The following RYR1 variants were observed in gnomAD, a reference collection of about 807,000 sequenced individuals.
RYR1 encodes central core disease of muscle.
RYR1 carries 342 observed loss-of-function variants against 583.5 expected under a neutral mutation model. That is an observed-to-expected ratio of 0.59 (90% confidence interval 0.54 to 0.64). The LOEUF is 0.64. Ranked by LOEUF, RYR1 falls within the 30% of genes least tolerant of loss-of-function variation. RYR1 has a pLI of 0.00. For synonymous variants in RYR1, 2,791 were observed against 2,822.5 expected, an observed-to-expected ratio of 0.99 and a Z score of 0.35; for missense variants, 6,032 against 6,917.2, an observed-to-expected ratio of 0.87 and a Z score of 4.54.
rs772090236 is a variant in RYR1, at chr19:38,535,299, T to C, written c.11440-17T>C. The C allele has an allele frequency of 9.3e-6, 15 of 1,613,866 alleles. No individual in the cohort carries two copies. Among genetic ancestry groups the C allele is most frequent in the African/African-American group, 8.0e-5 (6 of 74,906 alleles). ...GTGTGACTCCCAGTTTCTCCTCCCC[T>C]GCCTCGCCCTCTGCAGAAAATGCTG... is the stretch of plus-strand genomic sequence containing the variant. On this transcript the variant is annotated splice_polypyrimidine_tract_variant and intron_variant, in intron 80 of 105. Coordinates refer to ENST00000359596, the MANE Select transcript of RYR1 (RefSeq NM_000540.3).
intron 48 of RYR1, 50 bp downstream of exon 48, chr19:38,502,777 G>GGGCAGA (rs1970219506): frequency 1.6e-5 from 19 of 1,204,102 alleles, no homozygotes; most frequent in Non-Finnish European, 1.9e-5. Context: ...GCAGGGGCAG[G>GGGCAGA]GGCAGGGGCA....
intron 92 of RYR1, 128 bp from the exon 93 acceptor site, chr19:38,567,645 C>A: frequency 1.5e-6 from 2 of 1,327,658 alleles, no homozygotes; most frequent in Admixed American, 1.9e-5. Flanking sequence ...TCTCATCATC[C>A]CATGTACCCA....
At chr19:38,447,549 A>G (rs1266299393) in intron 9 of RYR1, among the ~76,000 whole-genome samples, 1 of 149,712 alleles carries the variant, frequency 6.7e-6, no homozygotes, top group Non-Finnish European at 1.5e-5. Flanking sequence ...TCAAAAAAAT[A>G]CAAAAACAAA....
chr19:38,527,859 G>A, intron 73 of RYR1, 75 bp downstream of exon 73: 1 of 1,566,078 alleles, frequency 6.4e-7, no homozygotes, highest in Non-Finnish European at 8.8e-7. Flanking sequence ...TCAAGGATGT[G>A]GGTGGGGTCT....
chr19:38,567,774 G>A lies in RYR1; in HGVS notation c.13516G>A (p.Ala4506Thr). ...ACCTCTCTCTGTCCTGCCCTGCAGT[G>A]CCGAGAATGGGGAGAAGGAAGAAGT... ...EPELEPEKAD[A>T]ENGEKEEVPE... The change falls in exon 93 of 106, where the codon GCC becomes ACC. Residue 4506 changes from alanine (A) to threonine (T), a missense_variant and splice_region_variant. By Grantham distance (58) the Ala-to-Thr change is moderately conservative. This residue lies in a region of RYR1 where 753 missense variants were observed against 759.6 expected (regional missense o/e 0.99). Coordinates refer to ENST00000359596, the MANE Select transcript of RYR1 (RefSeq NM_000540.3). The A allele has an allele frequency of 6.2e-7, 1 of 1,614,142 alleles. No homozygotes were observed. The highest frequency in any genetic ancestry group is 8.5e-7 in the Non-Finnish European group (1 of 1,180,026).
Position 38,444,287 on chromosome 19 carries a change from C to T in RYR1, c.537+26C>T, listed in dbSNP as rs1309252399. 2.5e-6 allele frequency: 4 copies of T among 1,573,820 alleles called. No individual in the cohort carries two copies. The highest frequency in any genetic ancestry group is 1.1e-5 in the South Asian group (1 of 89,700). On this transcript the variant is annotated intron_variant, in intron 6 of 105. Coordinates refer to ENST00000359596, the MANE Select transcript of RYR1 (RefSeq NM_000540.3). This position sits in a 1 kb window ranked among gnomAD's most constrained non-coding sequence, Gnocchi z 5.1. ...GTGAGCCATTGCGGTTCCTCCTGCT[C>T]CCAGGTCTGGGGGCGCATGGGATGG...
intron 67 of RYR1, among the ~76,000 whole-genome samples, chr19:38,521,857 C>T (rs182332858): frequency 1.2e-3 from 184 of 151,554 alleles, no homozygotes; most frequent in African/African-American, 4.2e-3. Flanking sequence ...CAGGTGCCTG[C>T]CACCACACCC....
intron 71 of RYR1, among the ~76,000 whole-genome samples, chr19:38,525,917 G>C (rs1422808632): frequency 6.6e-6 from 1 of 151,624 alleles, no homozygotes; most frequent in Non-Finnish European, 1.5e-5. Context: ...GACCTACTGA[G>C]ACCCTCATGA....
chr19:38,586,345 G>A (rs142019305), intron 104 of RYR1, among the ~76,000 whole-genome samples, 154 bp downstream of exon 104: 242 of 152,264 alleles, frequency 1.6e-3, no homozygotes, highest in African/African-American at 5.4e-3. Flanking sequence ...GTGGGGCCCC[G>A]CAAGATGGTT....
At chr19:38,511,939 TG>T in intron 61 of RYR1, 132 bp from the exon 62 acceptor site, 1 of 1,042,098 alleles carries the variant, frequency 9.6e-7, no homozygotes, top group Non-Finnish European at 1.4e-6. Context: ...TCTGGGGGGG[TG>T]GGGGTGCAGT....
At chr19:38,490,783 C>A in intron 37 of RYR1, 51 bp downstream of exon 37, 6 of 1,205,464 alleles carry the variant, frequency 5.0e-6, no homozygotes, top group Non-Finnish European at 7.4e-6. Flanking sequence ...TCTCTCGAGA[C>A]CTCTCCAGAA....
chr19:38,474,968 A>G (rs1035341633), intron 28 of RYR1, among the ~76,000 whole-genome samples: 1 of 152,128 alleles, frequency 6.6e-6, no homozygotes, highest in Non-Finnish European at 1.5e-5. Flanking sequence ...CTTGCAGTGT[A>G]CAAAACAGTG....
chr19:38,515,023 CAG>C lies in RYR1; in HGVS notation c.9473-2_9473-1del. ...CCGCAGCCTCGCCCCCTGTCTCCCT[CAG>C]TGGACGACGTCCAGGTCTCTTGCTA... On this transcript the variant is annotated splice_acceptor_variant, in intron 63 of 105. Transcript: ENST00000359596. LOFTEE classifies it high-confidence loss of function. The C allele has an allele frequency of 6.2e-7, 1 of 1,611,902 alleles. No individual in the cohort carries two copies. Among genetic ancestry groups the C allele is most frequent in the Non-Finnish European group, 8.5e-7 (1 of 1,178,710 alleles).
rs180925407 is a variant in RYR1 at position 38,486,334 on chromosome 19, C to G, written c.5547+132C>G. On this transcript the variant is annotated intron_variant, in intron 34 of 105. Coordinates refer to ENST00000359596, the MANE Select transcript of RYR1 (RefSeq NM_000540.3). ...TCATTCCCTCCTCTATACATCCATCCACCTTTCTTTTTATTATTATTATTT... is the reference window on the plus strand; with the variant it reads ...TCATTCCCTCCTCTATACATCCATCGACCTTTCTTTTTATTATTATTATTT... The G allele has an allele frequency of 8.6e-4, 972 of 1,136,154 alleles. 7 individuals carry two copies. In the African/African-American group the frequency reaches 0.013, roughly 15 times the overall value. The allele number at this position is 1,136,154 out of a possible 1,614,324, so 70.4% of individuals were successfully genotyped here. A position where few individuals can be genotyped will look rare whatever the true frequency, so the allele number is the denominator to read the frequency against.
chr19:38,436,708 AC>A, intron 1 of RYR1, among the ~76,000 whole-genome samples: 1 of 152,222 alleles, frequency 6.6e-6, no homozygotes, highest in Non-Finnish European at 1.5e-5. Flanking sequence ...ATTCACTTGT[AC>A]CTATTTTTAA....
chr19:38,457,738 G>A lies in RYR1; in HGVS notation c.1925+108G>A. ...TCCTTTCCTTAATCTCCCACCCCAG[G>A]GTTAACAACCAGTCCTCACAGATGT... On this transcript the variant is annotated intron_variant, in intron 17 of 105. Transcript: ENST00000359596. 2.5e-6 allele frequency: 3 copies of A among 1,190,646 alleles called. No homozygotes were observed. The South Asian group carries it at 3.7e-5, about 15-fold the overall frequency. The allele number at this position is 1,190,646 out of a possible 1,614,324, so 73.8% of individuals were successfully genotyped here. A position where few individuals can be genotyped will look rare whatever the true frequency, so the allele number is the denominator to read the frequency against.
intron 76 of RYR1, 99 bp downstream of exon 76, chr19:38,529,156 C>A: frequency 8.4e-7 from 1 of 1,184,376 alleles, no homozygotes; most frequent in South Asian, 1.3e-5. Context: ...CCTCCAGGTC[C>A]TGGGGGAGCC....
At chr19:38,465,830 G>A (rs1418642022) in intron 23 of RYR1, among the ~76,000 whole-genome samples, 1 of 152,170 alleles carries the variant, frequency 6.6e-6, no homozygotes, top group African/African-American at 2.4e-5. Flanking sequence ...GAGTTCCGGG[G>A]TTAGAGATAG....
intron 9 of RYR1, among the ~76,000 whole-genome samples, chr19:38,447,956 A>G (rs1966882459): frequency 1.3e-5 from 2 of 151,316 alleles, no homozygotes; most frequent in African/African-American, 4.9e-5. Context: ...CCCTGAGTAA[A>G]ATGATGGGGG....
Sources: gnomAD v4.1 joint callset for allele counts (sites outside exome capture counted in the v4.1 genomes callset) on GRCh38, gnomAD v4.1.1 for gene constraint, gnomAD v4.1.1 regional missense constraint, Gnocchi (gnomAD v3.1) non-coding constraint, MANE v1.5 for transcripts, NCBI Gene and HGNC (gene_info 2026-07-23, HGNC 2026-07-21) for gene names.